GALNT13: variants seen among roughly 807,000 people sequenced by gnomAD.
The protein encoded by GALNT13 is UDP-GalNAc:polypeptide N-acetylgalactosaminyltransferase 13.
Under a neutral mutation model 64.2 loss-of-function variants are expected in GALNT13, and 28 were observed. That is an observed-to-expected ratio of 0.44 (90% CI 0.32 to 0.60). GALNT13 has a LOEUF of 0.60. Among genes scored for constraint, GALNT13 ranks in the 20% least tolerant of loss-of-function variants. The pLI, the probability that GALNT13 is intolerant of heterozygous loss-of-function variation, is 0.05. For synonymous variants in GALNT13, 214 were observed against 224.6 expected (o/e 0.95, Z 0.42); for missense variants, 577 against 669.8 (o/e 0.86, Z 1.53).
At chr2:153,869,877 C>T (rs1685818678), upstream of GALNT13, among the ~76,000 whole-genome samples, 1 of 152,060 alleles carries the variant, frequency 6.6e-6, no homozygotes, top group Non-Finnish European at 1.5e-5. Context: ...AATGTACGTC[C>T]ACAGAATCTC....
chr2:154,023,376 C>T (rs1474064523), intron 3 of GALNT13, among the ~76,000 whole-genome samples: 4 of 152,126 alleles, frequency 2.6e-5, no homozygotes, highest in Non-Finnish European at 5.9e-5. Context: ...CTGGGTGCTC[C>T]TGTATTGGGT....
At chr2:154,132,221 T>G (rs1682658482) in intron 3 of GALNT13, among the ~76,000 whole-genome samples, 1 of 152,158 alleles carries the variant, frequency 6.6e-6, no homozygotes, top group Non-Finnish European at 1.5e-5. Flanking sequence ...TTAACCATCA[T>G]AGTAGGTAAT....
intron 11 of GALNT13, among the ~76,000 whole-genome samples, chr2:154,413,413 C>T (rs959375518): frequency 4.6e-5 from 7 of 151,952 alleles, no homozygotes; most frequent in Admixed American, 3.9e-4. Flanking sequence ...GGATTTAAAA[C>T]CTCATTATTT....
intron 8 of GALNT13, among the ~76,000 whole-genome samples, chr2:154,263,527 AT>A (rs1690814405): frequency 6.6e-6 from 1 of 152,184 alleles, no homozygotes; most frequent in Admixed American, 6.6e-5. Flanking sequence ...AGAAAAAGTC[AT>A]TTAAACCCAG....
the GALNT13 span, among the ~76,000 whole-genome samples, chr2:153,787,081 C>T: frequency 6.6e-6 from 1 of 152,110 alleles, no homozygotes; most frequent in African/African-American, 2.4e-5. Context: ...TCCTCTGCTG[C>T]CTCCAAGTTG....
At chr2:154,341,716 G>A (rs994156545) in intron 9 of GALNT13, among the ~76,000 whole-genome samples, 3 of 147,188 alleles carry the variant, frequency 2.0e-5, no homozygotes, top group African/African-American at 7.3e-5. Flanking sequence ...ATTATCTCCT[G>A]TTCTGGAAAA....
chr2:154,350,596 G>A (rs1045740774), intron 9 of GALNT13, among the ~76,000 whole-genome samples: 5 of 152,178 alleles, frequency 3.3e-5, no homozygotes, highest in South Asian at 2.1e-4. Context: ...GAACTTCACC[G>A]TGTGACTGTG....
the GALNT13 span, among the ~76,000 whole-genome samples, chr2:153,652,622 G>GA: frequency 1.3e-5 from 2 of 151,548 alleles, no homozygotes; most frequent in Non-Finnish European, 2.9e-5. Context: ...CTCAAAAAAA[G>GA]GAAAAAAATT....
chr2:153,328,976 G>T, the GALNT13 span, among the ~76,000 whole-genome samples: 12 of 152,130 alleles, frequency 7.9e-5, no homozygotes, highest in Admixed American at 5.2e-4. Flanking sequence ...GAGTTGCAAA[G>T]ACCGTGGGAA....
chr2:153,558,740 T>C, the GALNT13 span, among the ~76,000 whole-genome samples: 11 of 152,214 alleles, frequency 7.2e-5, no homozygotes, highest in African/African-American at 2.7e-4. Flanking sequence ...TTAAAATTTA[T>C]TGGTTGCATG....
intron 3 of GALNT13, among the ~76,000 whole-genome samples, chr2:154,124,022 T>C (rs1360830608): frequency 6.6e-6 from 1 of 152,082 alleles, no homozygotes; most frequent in Admixed American, 6.5e-5. Context: ...ATTTGAATAA[T>C]ACTTTAAATA....
chr2:153,274,011 G>A, the GALNT13 span, among the ~76,000 whole-genome samples: 1 of 152,114 alleles, frequency 6.6e-6, no homozygotes, highest in African/African-American at 2.4e-5. Context: ...GGTGTCTCTG[G>A]TAATTGACTT....
chr2:154,110,438 A>G (rs1045361932), intron 3 of GALNT13, among the ~76,000 whole-genome samples: 23 of 147,046 alleles, frequency 1.6e-4, no homozygotes, highest in African/African-American at 5.5e-4. Context: ...ATTAACTCAC[A>G]TGGTCACAAG....
chr2:153,244,816 G>A, the GALNT13 span, among the ~76,000 whole-genome samples: 1 of 152,184 alleles, frequency 6.6e-6, no homozygotes, highest in Non-Finnish European at 1.5e-5. Flanking sequence ...TGAAGCCAGG[G>A]AGTCAAGTGG....
At chr2:153,301,526 A>T in the GALNT13 span, among the ~76,000 whole-genome samples, 1 of 152,170 alleles carries the variant, frequency 6.6e-6, no homozygotes, top group Admixed American at 6.5e-5. Context: ...TTATATATTT[A>T]TTATCTTTTT....
intron 3 of GALNT13, among the ~76,000 whole-genome samples, chr2:153,986,301 A>G (rs1694796627): frequency 6.6e-6 from 1 of 151,990 alleles, no homozygotes; most frequent in South Asian, 2.1e-4. Flanking sequence ...AATGTGTCAT[A>G]CTCAAAAATA....
the GALNT13 span, among the ~76,000 whole-genome samples, chr2:153,256,742 G>T: frequency 6.6e-6 from 1 of 152,148 alleles, no homozygotes; most frequent in Admixed American, 6.5e-5. Flanking sequence ...CTGCTGGGGG[G>T]TGCCTCCCAG....
chr2:153,345,687 CTT>C, the GALNT13 span, among the ~76,000 whole-genome samples: 451 of 133,574 alleles, frequency 3.4e-3, 7 homozygotes, highest in Admixed American at 9.3e-3. Flanking sequence ...TTCTTTCTTT[CTT>C]TCTTTCTTTC....
At chr2:153,496,306 G>A in the GALNT13 span, among the ~76,000 whole-genome samples, 1 of 152,140 alleles carries the variant, frequency 6.6e-6, no homozygotes, top group South Asian at 2.1e-4. Flanking sequence ...ATGGCAGAGG[G>A]AGATAAATAC....
Sources: gnomAD v4.1 joint callset for allele counts (sites outside exome capture counted in the v4.1 genomes callset) on GRCh38, gnomAD v4.1.1 for gene constraint, MANE v1.5 for transcripts, NCBI Gene and HGNC (gene_info 2026-07-23, HGNC 2026-07-21) for gene names.